Variants in ATIC observed in about 807,000 individuals in gnomAD.
ATIC encodes bifunctional purine biosynthesis protein ATIC.
A neutral mutation model predicts 72.5 loss-of-function variants in ATIC; 64 were observed. That is an observed-to-expected ratio of 0.88 (90% confidence interval 0.72 to 1.09). The LOEUF (loss-of-function observed/expected upper bound fraction) is 1.09. Among genes scored for constraint, ATIC ranks in the 50% least tolerant of loss-of-function variants. ATIC has a pLI of 0.00. For synonymous variants in ATIC, 281 were observed against 267.1 expected (o/e 1.05, Z -0.51); for missense variants, 787 against 732.4 (o/e 1.07, Z -0.86).
chr2:215,320,455 C>T (rs1277014754), intron 4 of ATIC, among the ~76,000 whole-genome samples: 1 of 152,132 alleles, frequency 6.6e-6, no homozygotes, highest in Non-Finnish European at 1.5e-5. Flanking sequence ...TGGTGAGGGC[C>T]TCAGGAAGTT....
At chr2:215,326,706 G>A in intron 6 of ATIC, 116 bp from the exon 7 acceptor site, 2 of 1,272,724 alleles carry the variant, frequency 1.6e-6, no homozygotes, top group Non-Finnish European at 2.3e-6. Context: ...GTGTTGTGCA[G>A]CCACCACATA....
rs1054924111 is a variant in ATIC, at chr2:215,349,408, A to G, written c.1660-128A>G. On this transcript the variant is annotated intron_variant, in intron 15 of 15. Transcript: ENST00000236959. Reference sequence around the variant, plus strand: ...CTCCATTGGGTGGATGGAGAACCCAAATCCTGTTGTTATTTTGCCTTTTTG... The same window carrying G: ...CTCCATTGGGTGGATGGAGAACCCAGATCCTGTTGTTATTTTGCCTTTTTG... 1.9e-6 allele frequency: 3 copies of G among 1,577,928 alleles called. No individual in the cohort carries two copies. The African/African-American group carries it at 4.0e-5, about 21-fold the overall frequency.
At chr2:215,364,934 C>T in the ATIC span, 1 of 1,578,894 alleles carries the variant, frequency 6.3e-7, no homozygotes, top group African/African-American at 1.3e-5. Context: ...TTCCTTCTGC[C>T]ACTGTTCTCC....
chr2:215,337,664 G>A (rs1385211325), intron 11 of ATIC, among the ~76,000 whole-genome samples: 1 of 152,194 alleles, frequency 6.6e-6, no homozygotes, highest in South Asian at 2.1e-4. Context: ...ACCGCGCCTG[G>A]CCCCCAGTTT....
intron 2 of ATIC, 24 bp from the exon 3 acceptor site, chr2:215,318,133 C>A (rs776634842): frequency 1.0e-5 from 16 of 1,598,308 alleles, no homozygotes; most frequent in Non-Finnish European, 1.3e-5. Context: ...ACCAGTAGTA[C>A]CATTCTGTTT....
At chr2:215,343,888 G>T (rs2053045204) in intron 12 of ATIC, among the ~76,000 whole-genome samples, 1 of 152,086 alleles carries the variant, frequency 6.6e-6, no homozygotes, top group African/African-American at 2.4e-5. Context: ...TTGTATTCAT[G>T]CCTGATACTA....
chr2:215,367,209 T>C, the ATIC span, among the ~76,000 whole-genome samples: 2 of 152,214 alleles, frequency 1.3e-5, no homozygotes, highest in African/African-American at 4.8e-5. Context: ...ATTCTAATCC[T>C]AATCTCAAAG....
downstream of ATIC, among the ~76,000 whole-genome samples, chr2:215,352,829 G>A (rs1260132306): frequency 6.6e-6 from 1 of 151,268 alleles, no homozygotes; most frequent in Non-Finnish European, 1.5e-5. Context: ...CTCCTCTTTA[G>A]ATTTTTTTCT....
chr2:215,320,587 A>T (rs568841971), intron 4 of ATIC, among the ~76,000 whole-genome samples: 116 of 152,012 alleles, frequency 7.6e-4, no homozygotes, highest in Admixed American at 1.8e-3. Flanking sequence ...AATTTAATTT[A>T]ATTTTATTTT....
chr2:215,342,364 T>A (rs2053028341), intron 12 of ATIC, among the ~76,000 whole-genome samples: 2 of 152,212 alleles, frequency 1.3e-5, no homozygotes, highest in Admixed American at 1.3e-4. Context: ...TTAAACTTTT[T>A]AATTTTGAGA....
At chr2:215,323,222 G>A (rs1376097093) in intron 4 of ATIC, among the ~76,000 whole-genome samples, 1 of 152,216 alleles carries the variant, frequency 6.6e-6, no homozygotes, top group African/African-American at 2.4e-5. Context: ...TAGGATTACA[G>A]GCGTGAGCCA....
chr2:215,367,569 CTT>C, the ATIC span: 6 of 418,186 alleles, frequency 1.4e-5, no homozygotes, highest in African/African-American at 4.1e-5. Context: ...TTCCAAAAGT[CTT>C]TATCCATTTG....
intron 7 of ATIC, among the ~76,000 whole-genome samples, chr2:215,327,813 G>A (rs2052845500): frequency 6.6e-6 from 1 of 152,156 alleles, no homozygotes; most frequent in African/African-American, 2.4e-5. Context: ...TGGGGGAGGG[G>A]AGCAGCGTGC....
At chr2:215,360,973 T>C in the ATIC span, 5 of 154,996 alleles carry the variant, frequency 3.2e-5, no homozygotes, top group African/African-American at 1.2e-4. Flanking sequence ...ATTCCTCTTA[T>C]CAACTGCATA....
the ATIC span, among the ~76,000 whole-genome samples, chr2:215,355,993 A>G: frequency 9.2e-5 from 14 of 152,334 alleles, no homozygotes; most frequent in South Asian, 2.7e-3. Flanking sequence ...CTGAAAGCAC[A>G]TATTCTGGTG....
Position 215,334,978 on chromosome 2 carries a change from C to G in ATIC, c.982C>G (p.Pro328Ala). 6.2e-7 allele frequency: 1 copy of G among 1,613,358 alleles called. No individual in the cohort carries two copies. The highest frequency in any genetic ancestry group is 8.5e-7 in the Non-Finnish European group (1 of 1,179,572). ...TGCATTGTCCGATGTTTGTGATGTA[C>G]CAACTGCAAAAATTATTTCCAGAGA... ...FVALSDVCDVPTAKIISREVS... is the reference protein window; with the variant it reads ...FVALSDVCDVATAKIISREVS... Residue 328 changes from proline to alanine, a missense_variant, in exon 10 of 16, where the codon CCA becomes GCA. Coordinates refer to ENST00000236959, the MANE Select transcript of ATIC (RefSeq NM_004044.7).
intron 2 of ATIC, among the ~76,000 whole-genome samples, chr2:215,314,720 C>A (rs1347237263): frequency 6.6e-6 from 1 of 152,026 alleles, no homozygotes; most frequent in Non-Finnish European, 1.5e-5. Context: ...AGGCTGATCT[C>A]GAACTCCTGA....
chr2:215,347,539 T>C (rs747964782), intron 14 of ATIC: 30 of 481,478 alleles, frequency 6.2e-5, no homozygotes, highest in Non-Finnish European at 1.0e-4. Context: ...AACAAAATGC[T>C]GGATGGAAAA....
intron 2 of ATIC, among the ~76,000 whole-genome samples, chr2:215,316,680 A>G (rs1410507626): frequency 6.6e-6 from 1 of 152,248 alleles, no homozygotes; most frequent in African/African-American, 2.4e-5. Context: ...TTTTTCTTCA[A>G]GCATTTTTAT....
Sources: gnomAD v4.1 joint callset for allele counts (sites outside exome capture counted in the v4.1 genomes callset) on GRCh38, gnomAD v4.1.1 for gene constraint, MANE v1.5 for transcripts, NCBI Gene and HGNC (gene_info 2026-07-23, HGNC 2026-07-21) for gene names.